SYN2: variants seen among roughly 807,000 people sequenced by gnomAD.
SYN2 encodes synapsin-2.
A neutral mutation model predicts 50.9 loss-of-function variants in SYN2; 19 were observed. The observed-to-expected ratio is 0.37, with a 90% CI of 0.26 to 0.55. The LOEUF is 0.55. SYN2 is among the 20% of genes least tolerant of loss of function. SYN2 has a pLI of 0.81. For missense variants in SYN2, 587 were observed against 576.4 expected, an observed-to-expected ratio of 1.02 and a Z score of -0.19; for synonymous variants, 255 against 224.9, an observed-to-expected ratio of 1.13 and a Z score of -1.20.
chr3:12,191,075 G>T lies in SYN2; in HGVS notation c.*450G>T. On this transcript the variant is annotated 3_prime_UTR_variant, in exon 13 of 13. Coordinates refer to ENST00000621198, the MANE Select transcript of SYN2 (RefSeq NM_133625.6). ...ATATACTTCCCCAAAAGTACTCTTGGCCCTAAGTTTTAGGAACTTTCCCCG... is the reference window on the plus strand; with the variant it reads ...ATATACTTCCCCAAAAGTACTCTTGTCCCTAAGTTTTAGGAACTTTCCCCG... 5.1e-6 allele frequency: 5 copies of T among 986,664 alleles called. No individual in the cohort carries two copies. Among genetic ancestry groups the T allele is most frequent in the Non-Finnish European group, 6.0e-6 (5 of 830,904 alleles). 61.1% of individuals were successfully genotyped at this position (986,664 alleles called of 1,614,324 possible).
chr3:12,183,132 C>G (rs1355201705), intron 10 of SYN2, among the ~76,000 whole-genome samples, 180 bp from the exon 11 acceptor site: 1 of 152,196 alleles, frequency 6.6e-6, no homozygotes, highest in Non-Finnish European at 1.5e-5. Context: ...CAACAACACC[C>G]GAGGCTGAGG....
chr3:12,018,494 C>T (rs902714050), intron 1 of SYN2, among the ~76,000 whole-genome samples: 1 of 152,154 alleles, frequency 6.6e-6, no homozygotes, highest in African/African-American at 2.4e-5. Context: ...GCAAAAATAT[C>T]AGTTCTTCCA....
At chr3:12,055,177 T>C (rs1322620953) in intron 1 of SYN2, among the ~76,000 whole-genome samples, 2 of 152,054 alleles carry the variant, frequency 1.3e-5, no homozygotes, top group South Asian at 4.1e-4. Flanking sequence ...CAAAAAGATA[T>C]AGAATGATCT....
intron 1 of SYN2, among the ~76,000 whole-genome samples, chr3:12,033,384 G>T (rs1694423346): frequency 6.6e-6 from 1 of 152,266 alleles, no homozygotes; most frequent in South Asian, 2.1e-4. Context: ...AGTAATTCTT[G>T]TGCTTTCTTT....
At chr3:12,150,171 A>G (rs1046603722) in intron 4 of SYN2, among the ~76,000 whole-genome samples, 2 of 152,208 alleles carry the variant, frequency 1.3e-5, no homozygotes, top group African/African-American at 4.8e-5. Flanking sequence ...AATAGATTTC[A>G]TCTAGCAGCT....
chr3:12,178,392 T>C (rs1285942492), intron 10 of SYN2, among the ~76,000 whole-genome samples: 2 of 152,140 alleles, frequency 1.3e-5, no homozygotes, highest in African/African-American at 4.8e-5. Flanking sequence ...GGAGCTCCTT[T>C]CTCCAGCTTG....
intron 1 of SYN2, among the ~76,000 whole-genome samples, chr3:12,007,918 C>T (rs1441690432): frequency 6.6e-6 from 1 of 152,118 alleles, no homozygotes; most frequent in Admixed American, 6.5e-5. Context: ...TTAGATTAAT[C>T]GCACACTAAA....
At position 12,190,888 on chromosome 3, in the gene SYN2, C is replaced by T; in HGVS notation, c.*263C>T. 3.3e-6 allele frequency: 4 copies of T among 1,217,922 alleles called. No individual in the cohort carries two copies. Among genetic ancestry groups the T allele is most frequent in the Non-Finnish European group, 4.1e-6 (4 of 976,772 alleles). 75.4% of individuals were successfully genotyped at this position (1,217,922 alleles called of 1,614,324 possible). A position where few individuals can be genotyped will look rare whatever the true frequency, so the allele number is the denominator to read the frequency against. On this transcript the variant is annotated 3_prime_UTR_variant, in exon 13 of 13. Coordinates refer to ENST00000621198, the MANE Select transcript of SYN2 (RefSeq NM_133625.6). Reference sequence around the variant, plus strand: ...AGTCATGAGAGCTTCCTTCTGAAGTCATCGTTCGCTGTGAGTTTAGTGGCC... The same window carrying T: ...AGTCATGAGAGCTTCCTTCTGAAGTTATCGTTCGCTGTGAGTTTAGTGGCC...
intron 10 of SYN2, 149 bp downstream of exon 10, chr3:12,170,055 C>A (rs1327784641): frequency 9.2e-7 from 1 of 1,082,960 alleles, no homozygotes. Flanking sequence ...CTTCCCTTCC[C>A]TTTACCCTGG....
At chr3:12,052,937 C>G (rs1694900522) in intron 1 of SYN2, among the ~76,000 whole-genome samples, 1 of 152,166 alleles carries the variant, frequency 6.6e-6, no homozygotes, top group Non-Finnish European at 1.5e-5. Flanking sequence ...GTTCCCATAT[C>G]TCTTCTGAAG....
At chr3:12,026,180 A>T (rs1435252784) in intron 1 of SYN2, among the ~76,000 whole-genome samples, 2 of 152,132 alleles carry the variant, frequency 1.3e-5, no homozygotes, top group Non-Finnish European at 2.9e-5. Context: ...AATACTTTGG[A>T]TCCTCTGGAT....
intron 7 of SYN2, among the ~76,000 whole-genome samples, chr3:12,165,109 C>CCTGA (rs1256171697): frequency 1.3e-5 from 2 of 151,868 alleles, no homozygotes; most frequent in Non-Finnish European, 2.9e-5. Flanking sequence ...CTCTCAGCCT[C>CCTGA]CTGAGTAGCT....
At chr3:12,069,710 A>G (rs893885233) in intron 1 of SYN2, among the ~76,000 whole-genome samples, 2 of 152,178 alleles carry the variant, frequency 1.3e-5, no homozygotes, top group Middle Eastern at 3.4e-3. Context: ...GTTTCTCCAC[A>G]TCACATCCTC....
At chr3:12,142,920 C>T (rs563520547) in intron 3 of SYN2, among the ~76,000 whole-genome samples, 3 of 152,224 alleles carry the variant, frequency 2.0e-5, no homozygotes, top group Admixed American at 6.5e-5. Flanking sequence ...ACAGGAAATA[C>T]GAGCTTGTCC....
chr3:12,180,586 C>T (rs1167125775), intron 10 of SYN2, among the ~76,000 whole-genome samples: 1 of 152,210 alleles, frequency 6.6e-6, no homozygotes, highest in Admixed American at 6.5e-5. Flanking sequence ...GTGTCTCAGC[C>T]TGGCAAGGGA....
At chr3:12,014,262 T>G (rs1004977065) in intron 1 of SYN2, among the ~76,000 whole-genome samples, 1 of 152,110 alleles carries the variant, frequency 6.6e-6, no homozygotes, top group African/African-American at 2.4e-5. Flanking sequence ...CTTTGCCATA[T>G]TGAATTGAGC....
chr3:12,123,216 T>C (rs1022218618), intron 1 of SYN2, among the ~76,000 whole-genome samples: 2 of 152,118 alleles, frequency 1.3e-5, no homozygotes, highest in Admixed American at 6.5e-5. Flanking sequence ...TTTCCATAAT[T>C]GATAAAAGAC....
chr3:12,131,157 A>G (rs1242593297), intron 1 of SYN2, among the ~76,000 whole-genome samples: 3 of 152,346 alleles, frequency 2.0e-5, no homozygotes, highest in South Asian at 4.1e-4. Context: ...GCCCTGGTGC[A>G]GGAGTGTGTC....
chr3:12,092,374 G>T (rs996861910), intron 1 of SYN2, among the ~76,000 whole-genome samples: 1 of 152,116 alleles, frequency 6.6e-6, no homozygotes, highest in East Asian at 1.9e-4. Context: ...CTTTCCACGA[G>T]CTCATTCTAG....
Sources: allele counts gnomAD v4.1 joint callset (sites outside exome capture counted in the v4.1 genomes callset), GRCh38; gene constraint gnomAD v4.1.1; transcripts MANE v1.5; gene names NCBI Gene and HGNC (gene_info 2026-07-23, HGNC 2026-07-21).